FSTL5: variants seen among roughly 807,000 people sequenced by gnomAD.
FSTL5 encodes the protein follistatin-related protein 5.
FSTL5 carries 62 observed loss-of-function variants against 89.1 expected under a neutral mutation model. The observed-to-expected ratio is 0.70, with a 90% confidence interval of 0.57 to 0.86. FSTL5 has a LOEUF of 0.86. FSTL5 is among the 40% of genes least tolerant of loss of function. FSTL5 has a pLI of 0.00. For missense variants in FSTL5, 1,057 were observed against 1,001.6 expected, an observed-to-expected ratio of 1.06 and a Z score of -0.75; for synonymous variants, 383 against 346.2, an observed-to-expected ratio of 1.11 and a Z score of -1.18.
chr4:161,456,229 A>G (rs914422477), intron 14 of FSTL5, among the ~76,000 whole-genome samples: 1 of 152,174 alleles, frequency 6.6e-6, no homozygotes, highest in South Asian at 2.1e-4. Flanking sequence ...TGTGGATTAC[A>G]GATTCATTAT....
intron 9 of FSTL5, among the ~76,000 whole-genome samples, chr4:161,538,856 C>T (rs1281993011): frequency 5.9e-5 from 9 of 152,026 alleles, no homozygotes; most frequent in Admixed American, 1.3e-4. Context: ...CTCCGCCTCC[C>T]GGGTTCAAGC....
intron 4 of FSTL5, among the ~76,000 whole-genome samples, chr4:161,876,640 T>G (rs1180763691): frequency 6.6e-6 from 1 of 152,068 alleles, no homozygotes; most frequent in Non-Finnish European, 1.5e-5. Context: ...CGTGGGAAGC[T>G]GAAATGGAAG....
At chr4:161,455,252 C>T in intron 14 of FSTL5, 124 bp from the exon 15 acceptor site, 1 of 587,154 alleles carries the variant, frequency 1.7e-6, no homozygotes, top group South Asian at 5.5e-5. Flanking sequence ...ATGCCATCCT[C>T]AAAATCAATA....
At chr4:161,903,533 G>A (rs190994066) in intron 4 of FSTL5, among the ~76,000 whole-genome samples, 2 of 151,612 alleles carry the variant, frequency 1.3e-5, no homozygotes, top group African/African-American at 2.4e-5. Flanking sequence ...TTGATAAAAA[G>A]TTTTTTAAAA....
At chr4:161,743,732 A>G (rs1740102086) in intron 6 of FSTL5, among the ~76,000 whole-genome samples, 1 of 152,156 alleles carries the variant, frequency 6.6e-6, no homozygotes, top group Non-Finnish European at 1.5e-5. Context: ...CAAATAAAAA[A>G]TTGGCATAGA....
At chr4:161,568,312 C>T (rs975391450) in intron 8 of FSTL5, among the ~76,000 whole-genome samples, 2 of 152,042 alleles carry the variant, frequency 1.3e-5, no homozygotes, top group African/African-American at 2.4e-5. Flanking sequence ...GCTTTGAGAA[C>T]GCTCTAGAAA....
At chr4:161,752,021 GC>G (rs1384855379) in intron 6 of FSTL5, among the ~76,000 whole-genome samples, 2 of 152,136 alleles carry the variant, frequency 1.3e-5, no homozygotes, top group African/African-American at 2.4e-5. Context: ...GTGTTTGAAT[GC>G]AAGGTTTAGT....
chr4:161,622,659 T>C (rs956662041), intron 7 of FSTL5, among the ~76,000 whole-genome samples: 3 of 152,116 alleles, frequency 2.0e-5, no homozygotes, highest in Non-Finnish European at 2.9e-5. Context: ...AGAGAATGAT[T>C]TAATTACACT....
intron 3 of FSTL5, among the ~76,000 whole-genome samples, chr4:161,999,525 G>A (rs11941010): frequency 0.11 from 16,941 of 151,862 alleles, 1,055 homozygotes; most frequent in East Asian, 0.23. Context: ...CTTTTTAATT[G>A]ACTATGTATA....
chr4:161,776,158 G>GT, intron 4 of FSTL5, 84 bp from the exon 5 acceptor site: 1 of 690,546 alleles, frequency 1.4e-6, no homozygotes, highest in South Asian at 3.3e-5. Flanking sequence ...GTTATTTTAT[G>GT]AATAACATAC....
intron 6 of FSTL5, among the ~76,000 whole-genome samples, chr4:161,672,146 C>T (rs1382575646): frequency 6.6e-6 from 1 of 152,178 alleles, no homozygotes; most frequent in Non-Finnish European, 1.5e-5. Context: ...ACGACTTTCT[C>T]TCCAAGAAAT....
intron 4 of FSTL5, among the ~76,000 whole-genome samples, chr4:161,879,268 C>A (rs983760807): frequency 5.9e-5 from 9 of 152,158 alleles, no homozygotes; most frequent in African/African-American, 2.2e-4. Context: ...TATAAAATTG[C>A]TTTAAACAAG....
chr4:161,911,785 T>C (rs1733700661), intron 4 of FSTL5, among the ~76,000 whole-genome samples: 1 of 152,220 alleles, frequency 6.6e-6, no homozygotes, highest in Non-Finnish European at 1.5e-5. Flanking sequence ...TTTTTAAACT[T>C]TGCTTAACCT....
At chr4:161,519,197 T>C (rs1355232967) in intron 10 of FSTL5, among the ~76,000 whole-genome samples, 1 of 152,180 alleles carries the variant, frequency 6.6e-6, no homozygotes, top group Non-Finnish European at 1.5e-5. Flanking sequence ...CAAGGGTGTG[T>C]ATTGCAAGAG....
intron 4 of FSTL5, among the ~76,000 whole-genome samples, chr4:161,826,427 T>C (rs564641178): frequency 3.3e-5 from 5 of 152,162 alleles, no homozygotes; most frequent in South Asian, 2.1e-4. Flanking sequence ...CATTGTTTTT[T>C]TTGTTGTTGT....
At chr4:161,905,773 C>A (rs923412197) in intron 4 of FSTL5, among the ~76,000 whole-genome samples, 1 of 152,062 alleles carries the variant, frequency 6.6e-6, no homozygotes, top group Non-Finnish European at 1.5e-5. Context: ...TTCTTTTGAC[C>A]AGTATGGGGC....
chr4:161,992,858 AAAAATATATATATAT>A (rs1209895179), intron 3 of FSTL5, among the ~76,000 whole-genome samples: 4 of 11,516 alleles, frequency 3.5e-4, no homozygotes, highest in African/African-American at 1.2e-3. Context: ...AAAAAAAAAA[AAAAATATATATATAT>A]ATATATATAT....
intron 3 of FSTL5, among the ~76,000 whole-genome samples, chr4:162,006,118 G>A (rs113622715): frequency 0.057 from 8,624 of 151,672 alleles, 679 homozygotes; most frequent in African/African-American, 0.18. Flanking sequence ...AATATTATAA[G>A]TAAGAAATAC....
At chr4:161,667,720 T>A (rs1736952520) in intron 6 of FSTL5, among the ~76,000 whole-genome samples, 1 of 152,098 alleles carries the variant, frequency 6.6e-6, no homozygotes, top group Non-Finnish European at 1.5e-5. Context: ...TATTTTTATT[T>A]TTCTACCTGT....
Sources: allele counts gnomAD v4.1 joint callset (sites outside exome capture counted in the v4.1 genomes callset), GRCh38; gene constraint gnomAD v4.1.1; transcripts MANE v1.5; gene names NCBI Gene and HGNC (gene_info 2026-07-23, HGNC 2026-07-21).